RBFOX1: variants seen among roughly 807,000 people sequenced by gnomAD.
RBFOX1 encodes the protein RNA binding fox-1 homolog 1.
In RBFOX1, 8 loss-of-function variants were observed where a neutral mutation model predicts 57.7. The ratio of observed to expected loss-of-function variants is 0.14; its 90% CI spans 0.08 to 0.25. The LOEUF (loss-of-function observed/expected upper bound fraction) is 0.25, where lower values mean the gene tolerates loss of function less well. RBFOX1 is among the 10% of genes least tolerant of loss of function. RBFOX1 has a pLI of 1.00. For synonymous variants in RBFOX1, 326 were observed against 222.4 expected (o/e 1.47, Z -4.15); for missense variants, 611 against 548.5 (o/e 1.11, Z -1.14).
Position 6,527,787 on chromosome 16 carries a change from C to T in RBFOX1, c.-63-126816C>T, listed in dbSNP as rs114903601. Among the ~76,000 whole-genome samples the T allele has an allele frequency of 3.1e-3, 470 of 152,166 alleles. 3 individuals are homozygous for T. Among genetic ancestry groups the T allele is most frequent in the African/African-American group, 0.011 (440 of 41,518 alleles). The stretch of plus-strand genomic sequence containing the variant: ...GTGGGCGAGTTAATGGTTGCCACTC[C>T]GAGCTGCTGCCTCTGTAGGGTAGGG... On this transcript the variant is annotated intron_variant, in intron 2 of 15. Coordinates refer to ENST00000550418, the MANE Select transcript of RBFOX1 (RefSeq NM_018723.4).
At chr16:5,616,995 G>A (rs549459239) in intron 3 of RBFOX1, among the ~76,000 whole-genome samples, 20 of 151,352 alleles carry the variant, frequency 1.3e-4, no homozygotes, top group East Asian at 7.9e-4. Flanking sequence ...GAAACTGGCC[G>A]GAGGGCAGTT....
chr16:6,085,642 G>T (rs1375507473), intron 1 of RBFOX1, among the ~76,000 whole-genome samples: 1 of 135,452 alleles, frequency 7.4e-6, no homozygotes, highest in Non-Finnish European at 1.6e-5. Context: ...AGAAGTAGCA[G>T]TGTGTGTTTG....
chr16:6,967,177 A>G (rs1403304128), intron 3 of RBFOX1, among the ~76,000 whole-genome samples: 1 of 151,992 alleles, frequency 6.6e-6, no homozygotes, highest in African/African-American at 2.4e-5. Context: ...GTACATTCAC[A>G]CATCCATTTT....
chr16:6,357,290 G>A (rs1395045126), intron 2 of RBFOX1, among the ~76,000 whole-genome samples: 1 of 152,044 alleles, frequency 6.6e-6, no homozygotes, highest in Non-Finnish European at 1.5e-5. Flanking sequence ...ATGTGGGGGT[G>A]GTGAGGTTGA....
chr16:7,588,347 C>A (rs749063502), intron 7 of RBFOX1, among the ~76,000 whole-genome samples: 1 of 152,186 alleles, frequency 6.6e-6, no homozygotes, highest in Admixed American at 6.5e-5. Flanking sequence ...CAGCCCTGAT[C>A]TGTTGAATTC....
Position 6,529,713 on chromosome 16 carries a change from A to G in RBFOX1, c.-63-124890A>G, listed in dbSNP as rs146338307. On this transcript the variant is annotated intron_variant, in intron 2 of 15. Transcript: ENST00000550418. ...TAGTGATTTATTGCTAAATAATTGC[A>G]TAGACTCCACAACACGTACGGAAGA... Among the ~76,000 whole-genome samples, 265 of 152,308 alleles carry G rather than the reference A, an allele frequency of 1.7e-3. 7 individuals are homozygous for G. The highest frequency in any genetic ancestry group is 0.016 in the Admixed American group (247 of 15,288).
intron 1 of RBFOX1, chr16:6,092,942 T>TA (rs533634833): frequency 2.0e-5 from 3 of 152,144 alleles, no homozygotes; most frequent in Non-Finnish European, 4.4e-5. Flanking sequence ...AAAGTGTGGA[T>TA]AAAAAACTGC....
chr16:6,848,805 C>G (rs1603632004), intron 3 of RBFOX1, among the ~76,000 whole-genome samples: 3 of 152,160 alleles, frequency 2.0e-5, no homozygotes, highest in Admixed American at 2.0e-4. Flanking sequence ...AAGTTTCACA[C>G]TCATGGAGGA....
At chr16:7,351,540 A>G (rs1358734425) in intron 4 of RBFOX1, among the ~76,000 whole-genome samples, 3 of 152,252 alleles carry the variant, frequency 2.0e-5, no homozygotes, top group Non-Finnish European at 2.9e-5. Flanking sequence ...AGTGCTATGA[A>G]GAAAATAATG....
chr16:6,082,176 CTTTTTTTTTTTT>C (rs58215856), intron 1 of RBFOX1, among the ~76,000 whole-genome samples: 1 of 89,906 alleles, frequency 1.1e-5, no homozygotes, highest in Non-Finnish European at 2.0e-5. Context: ...AATACCAGTG[CTTTTTTTTTTTT>C]TTTTTTTTTT....
chr16:7,204,464 A>G (rs1033573094), intron 4 of RBFOX1, among the ~76,000 whole-genome samples: 20 of 152,268 alleles, frequency 1.3e-4, no homozygotes, highest in Admixed American at 9.2e-4. Flanking sequence ...CAACATAGTA[A>G]GACATTGTCT....
At chr16:7,500,342 T>A (rs750006397) in intron 4 of RBFOX1, among the ~76,000 whole-genome samples, 1 of 152,228 alleles carries the variant, frequency 6.6e-6, no homozygotes, top group Non-Finnish European at 1.5e-5. Flanking sequence ...TGTGTGCTTC[T>A]GCTTAGTTGG....
chr16:6,835,399 G>A (rs368668242), intron 3 of RBFOX1, among the ~76,000 whole-genome samples: 1 of 151,974 alleles, frequency 6.6e-6, no homozygotes. Context: ...TGTATTAAAG[G>A]GACACAAGAT....
intron 3 of RBFOX1, among the ~76,000 whole-genome samples, chr16:6,808,003 C>A (rs116046146): frequency 0.02 from 2,968 of 148,470 alleles, 103 homozygotes; most frequent in African/African-American, 0.07. Flanking sequence ...ATGCATAGAA[C>A]TATATATAAT....
chr16:7,233,214 C>CTT (rs138143623), intron 4 of RBFOX1, among the ~76,000 whole-genome samples: 9 of 144,494 alleles, frequency 6.2e-5, no homozygotes, highest in African/African-American at 1.0e-4. Flanking sequence ...TAAACTCATC[C>CTT]TTTTTTTTTT....
intron 12 of RBFOX1, among the ~76,000 whole-genome samples, chr16:7,658,779 C>T (rs913856554): frequency 1.3e-5 from 2 of 152,198 alleles, no homozygotes; most frequent in Non-Finnish European, 2.9e-5. Context: ...GGCTGAAATG[C>T]AGTGGTACAA....
chr16:6,831,208 T>A (rs934004474), intron 3 of RBFOX1, among the ~76,000 whole-genome samples: 16 of 152,232 alleles, frequency 1.1e-4, no homozygotes, highest in Non-Finnish European at 1.9e-4. Context: ...ACAACACAGC[T>A]TAGTCTTACC....
chr16:6,636,792 T>TATATATA lies in RBFOX1; in HGVS notation c.-63-17807_-63-17806insATAATAT, dbSNP rs751468801. Among the ~76,000 whole-genome samples the TATATATA allele has an allele frequency of 4.5e-3, 46 of 10,166 alleles. 4 individuals are homozygous for TATATATA. In the Non-Finnish European group the frequency reaches 0.047, roughly 10 times the overall value. The allele number at this position is 10,166 out of a possible 152,430, so 6.7% of individuals were successfully genotyped here. A position where few individuals can be genotyped will look rare whatever the true frequency, so the allele number is the denominator to read the frequency against. ...AATATATAATATATATAATATATAA[T>TATATATA]ATATGTTATATATAATATATAATAT... On this transcript the variant is annotated intron_variant, in intron 2 of 15. Coordinates refer to ENST00000550418, the MANE Select transcript of RBFOX1 (RefSeq NM_018723.4).
At chr16:7,363,196 G>A (rs2097363589) in intron 4 of RBFOX1, among the ~76,000 whole-genome samples, 1 of 152,130 alleles carries the variant, frequency 6.6e-6, no homozygotes, top group African/African-American at 2.4e-5. Flanking sequence ...ACGGATTGCC[G>A]TCAGCCTCCA....
Sources: allele counts gnomAD v4.1 joint callset (sites outside exome capture counted in the v4.1 genomes callset), GRCh38; gene constraint gnomAD v4.1.1; transcripts MANE v1.5; gene names NCBI Gene and HGNC (gene_info 2026-07-23, HGNC 2026-07-21).